Variants in RIMS1 observed in about 807,000 individuals in gnomAD.
The protein encoded by RIMS1 is regulating synaptic membrane exocytosis 1, also known as regulating synaptic membrane exocytosis protein 1.
A neutral mutation model predicts 214.1 loss-of-function variants in RIMS1; 83 were observed. That is an observed-to-expected ratio of 0.39 (90% CI 0.32 to 0.47). The LOEUF (loss-of-function observed/expected upper bound fraction) is 0.47. RIMS1 is among the 20% of genes least tolerant of loss of function. RIMS1 has a pLI of 0.99. For missense variants in RIMS1, 2,050 were observed against 2,161.8 expected, an observed-to-expected ratio of 0.95 and a Z score of 1.03; for synonymous variants, 793 against 786.8, an observed-to-expected ratio of 1.01 and a Z score of -0.13.
chr6:72,013,213 C>G (rs571616342), intron 2 of RIMS1, among the ~76,000 whole-genome samples: 52 of 152,236 alleles, frequency 3.4e-4, no homozygotes, highest in Non-Finnish European at 1.8e-4. Flanking sequence ...CCCAATATTG[C>G]CTACGCCTGT....
At chr6:71,997,894 A>G (rs1047165692) in intron 2 of RIMS1, among the ~76,000 whole-genome samples, 6 of 152,198 alleles carry the variant, frequency 3.9e-5, no homozygotes, top group Admixed American at 2.0e-4. Flanking sequence ...GAGAAAAACA[A>G]GTAAATTAGC....
intron 4 of RIMS1, 112 bp from the exon 5 acceptor site, chr6:72,179,463 G>A: frequency 1.0e-6 from 1 of 954,440 alleles, no homozygotes; most frequent in Admixed American, 2.0e-5. Flanking sequence ...AATTTGCAAG[G>A]ATAAATATGA....
chr6:72,126,748 G>C, intron 4 of RIMS1: 1 of 188,454 alleles, frequency 5.3e-6, no homozygotes, highest in South Asian at 8.6e-5. Context: ...AAGAATGGCT[G>C]TAATTAAAAA....
chr6:72,238,095 T>C (rs1332756530), intron 9 of RIMS1, among the ~76,000 whole-genome samples, 173 bp downstream of exon 9: 8 of 151,998 alleles, frequency 5.3e-5, no homozygotes, highest in East Asian at 3.9e-4. Flanking sequence ...TTTCCTGATA[T>C]AAATATTTAC....
chr6:71,991,086 T>G (rs1227560049), intron 2 of RIMS1, among the ~76,000 whole-genome samples: 2 of 152,172 alleles, frequency 1.3e-5, no homozygotes, highest in Non-Finnish European at 2.9e-5. Flanking sequence ...GGTTTTTTTA[T>G]AAGGTCAAAA....
chr6:71,928,544 A>C (rs1044553214), intron 1 of RIMS1, among the ~76,000 whole-genome samples: 3 of 152,108 alleles, frequency 2.0e-5, no homozygotes, highest in African/African-American at 7.2e-5. Context: ...ATTTTAGTTT[A>C]TACCTATTCT....
intron 2 of RIMS1, among the ~76,000 whole-genome samples, chr6:71,978,909 T>C (rs1392673873): frequency 6.6e-6 from 1 of 152,088 alleles, no homozygotes; most frequent in Non-Finnish European, 1.5e-5. Context: ...AAATAGAGAA[T>C]TCTAGGAACA....
intron 2 of RIMS1, among the ~76,000 whole-genome samples, chr6:72,063,400 T>C (rs1221793739): frequency 6.6e-6 from 1 of 152,060 alleles, no homozygotes; most frequent in African/African-American, 2.4e-5. Flanking sequence ...TCTGCGACAA[T>C]ACCTGAAACA....
chr6:72,145,032 C>T (rs2042559900), intron 4 of RIMS1, among the ~76,000 whole-genome samples: 1 of 151,924 alleles, frequency 6.6e-6, no homozygotes, highest in South Asian at 2.1e-4. Context: ...TTTTCTCTCT[C>T]CAGTTCTTTT....
At chr6:71,979,006 T>G (rs1797823750) in intron 2 of RIMS1, among the ~76,000 whole-genome samples, 1 of 152,160 alleles carries the variant, frequency 6.6e-6, no homozygotes, top group African/African-American at 2.4e-5. Flanking sequence ...TCTTTTTATA[T>G]GATTTGCTGG....
chr6:72,067,514 T>C (rs1172338414), intron 2 of RIMS1, among the ~76,000 whole-genome samples: 6 of 152,190 alleles, frequency 3.9e-5, no homozygotes, highest in African/African-American at 1.2e-4. Context: ...GGATAATTTA[T>C]CTAAAACTGC....
chr6:72,260,993 G>A lies in RIMS1; in HGVS notation c.3116+226G>A, dbSNP rs967167115. On this transcript the variant is annotated intron_variant, in intron 19 of 33. Coordinates refer to ENST00000521978, the MANE Select transcript of RIMS1 (RefSeq NM_014989.7). ...CCATCTGTAGATTCAAAAATCCAGA[G>A]ACTAGTGGGCCTCTCTGGGACTGTT... The A allele has an allele frequency of 1.5e-5, 20 of 1,321,296 alleles. No homozygotes were observed. The African/African-American group carries it at 2.7e-4, about 18-fold the overall frequency. The allele number at this position is 1,321,296 out of a possible 1,614,324, so 81.8% of individuals were successfully genotyped here.
At chr6:72,326,656 A>G (rs561307764) in intron 28 of RIMS1, among the ~76,000 whole-genome samples, 1 of 151,848 alleles carries the variant, frequency 6.6e-6, no homozygotes, top group African/African-American at 2.4e-5. Flanking sequence ...CTTAGGAGAG[A>G]GACTCCATAC....
intron 33 of RIMS1, among the ~76,000 whole-genome samples, chr6:72,399,970 T>C (rs987056579): frequency 6.6e-6 from 1 of 152,108 alleles, no homozygotes; most frequent in Non-Finnish European, 1.5e-5. Context: ...AGGTACCAGC[T>C]CACAATTATT....
In RIMS1 at chr6:72,307,332, G is replaced by T. The variant is rs1322424946; in HGVS notation, c.3925G>T (p.Gly1309Cys). 1.9e-6 allele frequency: 3 copies of T among 1,604,878 alleles called. No homozygotes were observed. Among genetic ancestry groups the T allele is most frequent in the East Asian group, 2.2e-5 (1 of 44,670 alleles). The change falls in exon 27 of 34, where the codon GGT becomes TGT. Residue 1309 changes from glycine to cysteine, a missense_variant. Coordinates refer to ENST00000521978, the MANE Select transcript of RIMS1 (RefSeq NM_014989.7). The stretch of plus-strand genomic sequence containing the variant: ...TCGATTTAAGCAGACAACAGGGTCT[G>T]GTTCTAGTCAAGAACTTGATCGCGA... ...VHRFKQTTGS[G>C]SSQELDREQY...
intron 26 of RIMS1, among the ~76,000 whole-genome samples, chr6:72,297,713 G>T (rs1315319878): frequency 1.3e-5 from 2 of 151,988 alleles, no homozygotes; most frequent in Non-Finnish European, 2.9e-5. Context: ...GTCCAGGAAG[G>T]TATAGGTCAG....
chr6:72,221,678 G>A (rs1458100958), intron 6 of RIMS1, among the ~76,000 whole-genome samples: 1 of 151,854 alleles, frequency 6.6e-6, no homozygotes, highest in East Asian at 1.9e-4. Context: ...CTTTTATTTT[G>A]AAATGGAGAT....
chr6:72,202,872 A>G (rs945081535), intron 6 of RIMS1, among the ~76,000 whole-genome samples: 2 of 152,248 alleles, frequency 1.3e-5, no homozygotes. Flanking sequence ...GAACCTGGAA[A>G]TAATAATTGC....
intron 2 of RIMS1, among the ~76,000 whole-genome samples, chr6:72,012,465 A>G (rs1042237164): frequency 6.6e-6 from 1 of 152,228 alleles, no homozygotes; most frequent in African/African-American, 2.4e-5. Context: ...TGTACTCTGA[A>G]ACTTAAAGTA....
Sources: allele counts gnomAD v4.1 joint callset (sites outside exome capture counted in the v4.1 genomes callset), GRCh38; gene constraint gnomAD v4.1.1; transcripts MANE v1.5; gene names NCBI Gene and HGNC (gene_info 2026-07-23, HGNC 2026-07-21).